Variants in PARD3B observed in about 807,000 individuals in gnomAD.
PARD3B encodes the protein par-3 family cell polarity regulator beta.
In PARD3B, 103 loss-of-function variants were observed where a neutral mutation model predicts 130.2. That is an observed-to-expected ratio of 0.79 (90% CI 0.67 to 0.93). The LOEUF is 0.93. Ranked by LOEUF, PARD3B falls within the 40% of genes least tolerant of loss-of-function variation. The probability of loss-of-function intolerance (pLI) is 0.00; values close to 1 mark genes in which losing one functional copy is unlikely to be tolerated. For synonymous variants in PARD3B, 583 were observed against 553.2 expected, an observed-to-expected ratio of 1.05 and a Z score of -0.76; for missense variants, 1,609 against 1,499.2, an observed-to-expected ratio of 1.07 and a Z score of -1.21.
chr2:204,874,866 A>G (rs532403294), intron 2 of PARD3B, among the ~76,000 whole-genome samples: 24 of 152,324 alleles, frequency 1.6e-4, no homozygotes, highest in Admixed American at 1.2e-3. Flanking sequence ...CTGTCATTCA[A>G]TAATTTTTGT....
chr2:204,811,331 T>C (rs772015179), intron 2 of PARD3B, among the ~76,000 whole-genome samples: 2 of 152,194 alleles, frequency 1.3e-5, no homozygotes, highest in Non-Finnish European at 2.9e-5. Flanking sequence ...TTGAAGTACT[T>C]AGTATAAACT....
At position 205,128,422 on chromosome 2, in the gene PARD3B, T is replaced by A. The variant is rs2031671514; in HGVS notation, c.1434+2685T>A. ...TTTGAAGCTCTGAATTCATTCCTCA[T>A]CAAAGGCAATTATATCTGGAAGTTA... On this transcript the variant is annotated intron_variant, in intron 10 of 22. Coordinates refer to ENST00000406610, the MANE Select transcript of PARD3B (RefSeq NM_001302769.2). The surrounding 1 kb of genome is among the most constrained non-coding windows in gnomAD (Gnocchi z 4.5). 6.6e-6 allele frequency among the ~76,000 whole-genome samples: 1 copy of A among 152,184 alleles called. No homozygotes were observed. Among genetic ancestry groups the A allele is most frequent in the Admixed American group, 6.5e-5 (1 of 15,276 alleles).
intron 2 of PARD3B, among the ~76,000 whole-genome samples, chr2:204,687,743 C>T (rs545869870): frequency 3.9e-5 from 6 of 152,276 alleles, no homozygotes; most frequent in African/African-American, 1.2e-4. Context: ...GGATCATCTT[C>T]TTCCTTTGAA....
intron 2 of PARD3B, among the ~76,000 whole-genome samples, chr2:204,956,235 A>G (rs1690223730): frequency 6.6e-6 from 1 of 152,204 alleles, no homozygotes; most frequent in African/African-American, 2.4e-5. Flanking sequence ...TGGCTGAGAG[A>G]TTGCCAAGGA....
intron 10 of PARD3B, among the ~76,000 whole-genome samples, chr2:205,157,259 A>C (rs1314878123): frequency 6.6e-6 from 1 of 152,220 alleles, no homozygotes; most frequent in African/African-American, 2.4e-5. Context: ...AATAGTTTAC[A>C]TTTAGTACGA....
chr2:204,870,700 T>A (rs2045598615), intron 2 of PARD3B, among the ~76,000 whole-genome samples: 1 of 152,192 alleles, frequency 6.6e-6, no homozygotes, highest in Non-Finnish European at 1.5e-5. Context: ...TTGGAAGTTT[T>A]GTTGCATTTC....
intron 20 of PARD3B, among the ~76,000 whole-genome samples, chr2:205,459,180 C>T (rs1264500686): frequency 2.0e-5 from 3 of 152,186 alleles, no homozygotes; most frequent in Non-Finnish European, 4.4e-5. Flanking sequence ...AGAGAAAAAA[C>T]GCCACAGAAT....
chr2:204,593,533 C>T (rs563130308), intron 1 of PARD3B, among the ~76,000 whole-genome samples: 1 of 152,272 alleles, frequency 6.6e-6, no homozygotes, highest in East Asian at 1.9e-4. Context: ...TCAGCTCTCC[C>T]AAGACTAACT....
In PARD3B at chr2:204,906,912, T is replaced by C. The variant is rs2125715638; in HGVS notation, c.223-58240T>C. ...TGAAGATTGCTGGGAAATTTTAGCA[T>C]TTTTGTGGAGAATTGGGTGTATTAA... On this transcript the variant is annotated intron_variant, in intron 2 of 22. Transcript: ENST00000406610. This position sits in a 1 kb window ranked among gnomAD's most constrained non-coding sequence, Gnocchi z 4.3. 6.6e-6 allele frequency among the ~76,000 whole-genome samples: 1 copy of C among 152,352 alleles called. No homozygotes were observed. Among genetic ancestry groups the C allele is most frequent in the Admixed American group, 6.5e-5 (1 of 15,304 alleles).
At chr2:205,438,019 C>CGT (rs1248644341) in intron 19 of PARD3B, among the ~76,000 whole-genome samples, 9 of 152,030 alleles carry the variant, frequency 5.9e-5, no homozygotes, top group Admixed American at 5.9e-4. Flanking sequence ...CCACCATACA[C>CGT]TCCTTTTCAG....
At chr2:205,120,611 CG>C (rs994228439) in intron 7 of PARD3B, among the ~76,000 whole-genome samples, 2 of 152,176 alleles carry the variant, frequency 1.3e-5, no homozygotes, top group African/African-American at 4.8e-5. Flanking sequence ...ACAGTTAGTG[CG>C]GCAGCTGCAC....
At chr2:204,889,089 T>C (rs1200162690) in intron 2 of PARD3B, among the ~76,000 whole-genome samples, 1 of 152,172 alleles carries the variant, frequency 6.6e-6, no homozygotes, top group African/African-American at 2.4e-5. Flanking sequence ...GTTCTCTCAT[T>C]GTGGGGAAAC....
At chr2:205,523,249 A>T in intron 21 of PARD3B, among the ~76,000 whole-genome samples, 1 of 146,968 alleles carries the variant, frequency 6.8e-6, no homozygotes, top group African/African-American at 2.5e-5. Flanking sequence ...ATATTTATAT[A>T]TATATATATT....
chr2:204,860,144 C>T (rs951148855), intron 2 of PARD3B, among the ~76,000 whole-genome samples: 10 of 151,824 alleles, frequency 6.6e-5, no homozygotes, highest in Non-Finnish European at 2.9e-5. Flanking sequence ...AAAAAGGAAT[C>T]GCAGCTATAA....
intron 22 of PARD3B, among the ~76,000 whole-genome samples, chr2:205,569,009 AG>A (rs2053464411): frequency 6.6e-6 from 1 of 152,170 alleles, no homozygotes; most frequent in South Asian, 2.1e-4. Context: ...ACCTCCAAAA[AG>A]GTTGTACCAA....
In PARD3B at chr2:205,460,693, A is replaced by AG. The variant is rs1490746601; in HGVS notation, c.3044+20023dup. 2.0e-5 allele frequency among the ~76,000 whole-genome samples: 3 copies of AG among 152,160 alleles called. No individual in the cohort carries two copies. In the East Asian group the frequency reaches 5.8e-4, roughly 29 times the overall value. The stretch of plus-strand genomic sequence containing the variant: ...GAGCCTCTCTTTGCCTCCAGAATGA[A>AG]GGTGATACCGTATCTCATAAAATTC... On this transcript the variant is annotated intron_variant, in intron 20 of 22. Transcript: ENST00000406610. This position sits in a 1 kb window ranked among gnomAD's most constrained non-coding sequence, Gnocchi z 4.9.
At chr2:205,302,672 C>G (rs1250335248) in intron 18 of PARD3B, among the ~76,000 whole-genome samples, 1 of 152,090 alleles carries the variant, frequency 6.6e-6, no homozygotes, top group East Asian at 1.9e-4. Flanking sequence ...AACCTCATCC[C>G]TCTGTGACTC....
chr2:204,862,537 G>T (rs1575157998), intron 2 of PARD3B, among the ~76,000 whole-genome samples: 1 of 152,186 alleles, frequency 6.6e-6, no homozygotes, highest in East Asian at 1.9e-4. Flanking sequence ...TTCCTCCTCT[G>T]TAAAACGTGA....
intron 21 of PARD3B, among the ~76,000 whole-genome samples, chr2:205,518,182 G>A (rs2050875167): frequency 6.6e-6 from 1 of 152,052 alleles, no homozygotes; most frequent in African/African-American, 2.4e-5. Flanking sequence ...GTGGAGTGTA[G>A]GAGTCTCCTA....
Sources: allele counts gnomAD v4.1 joint callset (sites outside exome capture counted in the v4.1 genomes callset), GRCh38; gene constraint gnomAD v4.1.1; non-coding constraint Gnocchi (gnomAD v3.1); transcripts MANE v1.5; gene names NCBI Gene and HGNC (gene_info 2026-07-23, HGNC 2026-07-21).